TRPM3: variants seen among roughly 807,000 people sequenced by gnomAD.
The protein encoded by TRPM3 is long transient receptor potential channel 3.
A neutral mutation model predicts 181.2 loss-of-function variants in TRPM3; 77 were observed. The ratio of observed to expected loss-of-function variants is 0.42; its 90% CI spans 0.35 to 0.51. TRPM3 has a LOEUF of 0.51. Among genes scored for constraint, TRPM3 ranks in the 20% least tolerant of loss-of-function variants. The probability of loss-of-function intolerance (pLI) is 0.01; values close to 1 mark genes in which losing one functional copy is unlikely to be tolerated. For synonymous variants in TRPM3, 745 were observed against 796.4 expected (o/e 0.94, Z 1.09); for missense variants, 1,759 against 2,196.7 (o/e 0.80, Z 3.98).
intron 1 of TRPM3, among the ~76,000 whole-genome samples, chr9:71,267,529 A>G (rs2132108400): frequency 6.6e-6 from 1 of 151,876 alleles, no homozygotes; most frequent in Non-Finnish European, 1.5e-5. Flanking sequence ...CCCAGGCCAC[A>G]AAGATTTGGA....
intron 7 of TRPM3, among the ~76,000 whole-genome samples, chr9:70,773,931 A>G (rs2080855025): frequency 6.6e-6 from 1 of 152,208 alleles, no homozygotes; most frequent in East Asian, 1.9e-4. Flanking sequence ...AGGGGTATCT[A>G]TAAGATTTTG....
chr9:70,598,892 G>A (rs1038199872), intron 20 of TRPM3, among the ~76,000 whole-genome samples: 4 of 152,082 alleles, frequency 2.6e-5, no homozygotes, highest in Non-Finnish European at 5.9e-5. Flanking sequence ...TGATTCTTTG[G>A]GTGGTGGTAA....
chr9:71,168,940 T>C (rs553573086), intron 1 of TRPM3, among the ~76,000 whole-genome samples: 1 of 152,246 alleles, frequency 6.6e-6, no homozygotes, highest in East Asian at 1.9e-4. Context: ...TCTCCTGCTG[T>C]TTCATTTCCT....
At chr9:70,836,626 T>C (rs1041763848) in intron 5 of TRPM3, among the ~76,000 whole-genome samples, 2 of 152,180 alleles carry the variant, frequency 1.3e-5, no homozygotes, top group African/African-American at 2.4e-5. Context: ...CTTGCATGAC[T>C]CCCTCTGACT....
intron 1 of TRPM3, among the ~76,000 whole-genome samples, chr9:71,443,994 C>T (rs2094169880): frequency 6.6e-6 from 1 of 152,032 alleles, no homozygotes; most frequent in Non-Finnish European, 1.5e-5. Context: ...TCCTGGCCAA[C>T]ATGGTGAAAC....
At chr9:71,252,847 C>CTCTTTTTTTTTTTTTTTTTTTTT (rs1554854926) in intron 1 of TRPM3, among the ~76,000 whole-genome samples, 2 of 84,760 alleles carry the variant, frequency 2.4e-5, no homozygotes, top group African/African-American at 1.0e-4. Flanking sequence ...AATTTTGTCT[C>CTCTTTTTTTTTTTTTTTTTTTTT]TTTTTTTTTT....
chr9:70,990,132 G>A (rs1022125821), intron 1 of TRPM3, among the ~76,000 whole-genome samples: 4 of 152,136 alleles, frequency 2.6e-5, no homozygotes, highest in Non-Finnish European at 5.9e-5. Context: ...CGGCTTTCAA[G>A]CTGTGTATTT....
rs139533821 is a variant in TRPM3 at position 70,764,751 on chromosome 9, T to C, written c.1149-3027A>G. Among the ~76,000 whole-genome samples the C allele has an allele frequency of 3.7e-3, 564 of 152,278 alleles. 5 individuals are homozygous for C. Among genetic ancestry groups the C allele is most frequent in the African/African-American group, 0.013 (544 of 41,562 alleles). Reference sequence around the variant, plus strand: ...AAGGTGATTTGATCCATTCAAAGCATAAAGTTAAAGAAATTAAAATTAAAT... The same window carrying C: ...AAGGTGATTTGATCCATTCAAAGCACAAAGTTAAAGAAATTAAAATTAAAT... On this transcript the variant is annotated intron_variant, in intron 7 of 25. Coordinates refer to ENST00000677713, the MANE Select transcript of TRPM3 (RefSeq NM_001366145.2).
At chr9:71,047,717 T>C (rs1285577953) in intron 1 of TRPM3, among the ~76,000 whole-genome samples, 2 of 152,168 alleles carry the variant, frequency 1.3e-5, no homozygotes, top group Admixed American at 6.5e-5. Context: ...TGGCTAAATA[T>C]GTTCCATAGT....
chr9:71,321,499 T>A (rs570213597), intron 1 of TRPM3, among the ~76,000 whole-genome samples: 1 of 152,294 alleles, frequency 6.6e-6, no homozygotes, highest in Admixed American at 6.5e-5. Flanking sequence ...AATATCACTT[T>A]CATCTCATAT....
chr9:70,543,494 G>A lies in TRPM3; in HGVS notation c.3707+6048C>T, dbSNP rs777703703. Among the ~76,000 whole-genome samples the A allele has an allele frequency of 9.3e-5, 14 of 151,350 alleles. No individual in the cohort carries two copies. The East Asian group carries it at 1.2e-3, about 13-fold the overall frequency. On this transcript the variant is annotated intron_variant, in intron 25 of 25. Transcript: ENST00000677713. Reference sequence around the variant, plus strand: ...CATTCTCATCCCCTCTCCAATCCCCGACTACCCTTCCCAGCCTCTGGTAAC... The same window carrying A: ...CATTCTCATCCCCTCTCCAATCCCCAACTACCCTTCCCAGCCTCTGGTAAC...
chr9:70,616,670 G>A (rs186638824), intron 17 of TRPM3, among the ~76,000 whole-genome samples: 8 of 151,536 alleles, frequency 5.3e-5, no homozygotes, highest in Admixed American at 5.3e-4. Flanking sequence ...TATTTGCTAC[G>A]AGAACAGCAG....
At chr9:70,959,377 G>A (rs1169378394) in intron 1 of TRPM3, among the ~76,000 whole-genome samples, 1 of 151,676 alleles carries the variant, frequency 6.6e-6, no homozygotes, top group African/African-American at 2.4e-5. Flanking sequence ...CCAACATTCT[G>A]ATGTCCAAGT....
chr9:70,944,022 C>T (rs12003119), intron 1 of TRPM3, among the ~76,000 whole-genome samples: 3,945 of 152,188 alleles, frequency 0.026, 178 homozygotes, highest in African/African-American at 0.09. Context: ...TCAAGTGGTC[C>T]GCCCCCCACC....
At chr9:71,351,069 G>T (rs970133655) in intron 1 of TRPM3, among the ~76,000 whole-genome samples, 2 of 152,162 alleles carry the variant, frequency 1.3e-5, no homozygotes, top group Non-Finnish European at 2.9e-5. Context: ...CTGATTGGGT[G>T]ATCTTTTCTT....
At chr9:70,959,202 A>T (rs1248230563) in intron 1 of TRPM3, among the ~76,000 whole-genome samples, 2 of 152,066 alleles carry the variant, frequency 1.3e-5, no homozygotes, top group East Asian at 3.9e-4. Context: ...AAAAAAATGT[A>T]TAGTAAATAT....
At chr9:70,860,152 G>T in intron 3 of TRPM3, among the ~76,000 whole-genome samples, 1 of 152,112 alleles carries the variant, frequency 6.6e-6, no homozygotes, top group East Asian at 1.9e-4. Flanking sequence ...TGTATACCAG[G>T]TACTTTTAAT....
chr9:70,585,342 T>TTGTGCCCGC (rs1303968961), intron 22 of TRPM3, among the ~76,000 whole-genome samples: 1 of 152,110 alleles, frequency 6.6e-6, no homozygotes, highest in Non-Finnish European at 1.5e-5. Flanking sequence ...CTCTTTCTAC[T>TTGTGCCCGC]TGTGCCCGCT....
At chr9:70,998,144 C>CAT (rs1026063280) in intron 1 of TRPM3, among the ~76,000 whole-genome samples, 52 of 55,558 alleles carry the variant, frequency 9.4e-4, no homozygotes, top group African/African-American at 2.2e-3. Flanking sequence ...TATATATACA[C>CAT]ATATATATAT....
Sources: gnomAD v4.1 joint callset for allele counts (sites outside exome capture counted in the v4.1 genomes callset) on GRCh38, gnomAD v4.1.1 for gene constraint, MANE v1.5 for transcripts, NCBI Gene and HGNC (gene_info 2026-07-23, HGNC 2026-07-21) for gene names.